Variants in COL4A4 observed in about 807,000 individuals in gnomAD.
The protein encoded by COL4A4 is collagen type IV alpha 4 chain.
In COL4A4, 105 loss-of-function variants were observed where a neutral mutation model predicts 192.9. The observed-to-expected ratio is 0.54, with a 90% CI of 0.46 to 0.64. The LOEUF is 0.64. COL4A4 is among the 30% of genes least tolerant of loss of function. COL4A4 has a pLI of 0.00. For synonymous variants in COL4A4, 762 were observed against 769.9 expected (o/e 0.99, Z 0.17); for missense variants, 1,967 against 2,169.3 (o/e 0.91, Z 1.85).
At chr2:226,968,149 G>A in the COL4A4 span, among the ~76,000 whole-genome samples, 1 of 152,162 alleles carries the variant, frequency 6.6e-6, no homozygotes, top group Non-Finnish European at 1.5e-5. Flanking sequence ...AGAAGTTACA[G>A]TACCACCAAT....
At chr2:227,051,894 T>C (rs1298624955) in intron 32 of COL4A4, among the ~76,000 whole-genome samples, 2 of 152,062 alleles carry the variant, frequency 1.3e-5, no homozygotes, top group South Asian at 4.2e-4. Flanking sequence ...TTTATTTATA[T>C]CTAAAAAAAA....
chr2:226,990,122 CAAAAAG>C, the COL4A4 span, among the ~76,000 whole-genome samples: 9 of 152,272 alleles, frequency 5.9e-5, no homozygotes, highest in South Asian at 1.7e-3. Context: ...ATTAGTGACT[CAAAAAG>C]TAAAGTGTGG....
chr2:227,126,287 G>T (rs983695120), intron 4 of COL4A4, among the ~76,000 whole-genome samples: 9 of 152,164 alleles, frequency 5.9e-5, no homozygotes, highest in African/African-American at 2.2e-4. Context: ...GAGGGGAACT[G>T]GAACCAATTC....
At chr2:227,120,009 G>C (rs866819503) in intron 5 of COL4A4, 70 bp from the exon 6 acceptor site, 139 of 1,212,744 alleles carry the variant, frequency 1.1e-4, no homozygotes, top group Middle Eastern at 1.1e-3. Flanking sequence ...CTTGAAAATA[G>C]TAACAATTAA....
chr2:227,063,817 A>T (rs1281398228), intron 25 of COL4A4, among the ~76,000 whole-genome samples: 1 of 151,872 alleles, frequency 6.6e-6, no homozygotes, highest in Non-Finnish European at 1.5e-5. Context: ...CTATACTTTG[A>T]GTATGTGTAT....
chr2:227,151,143 C>T (rs9636345), intron 1 of COL4A4, among the ~76,000 whole-genome samples: 1 of 151,870 alleles, frequency 6.6e-6, no homozygotes, highest in East Asian at 1.9e-4. Flanking sequence ...ATTCATATTT[C>T]CATTCCATTC....
chr2:227,042,256 C>G lies in COL4A4; in HGVS notation c.3398-1G>C. The G allele has an allele frequency of 6.3e-7, 1 of 1,599,314 alleles. No individual in the cohort carries two copies. The highest frequency in any genetic ancestry group is 8.6e-7 in the Non-Finnish European group (1 of 1,166,536). On this transcript the variant is annotated splice_acceptor_variant, in intron 36 of 47. Coordinates refer to ENST00000396625, the MANE Select transcript of COL4A4 (RefSeq NM_000092.5). LOFTEE classifies it high-confidence loss of function. ...CTCAGCCCAGGCATCCCGTGATCAC[C>G]TGAGGATGACAGGGAAGTTTTGCAG... is the stretch of plus-strand genomic sequence containing the variant.
chr2:227,027,579 C>T (rs1048035587), intron 42 of COL4A4, among the ~76,000 whole-genome samples: 1 of 150,944 alleles, frequency 6.6e-6, no homozygotes, highest in Non-Finnish European at 1.5e-5. Context: ...CACATGTATA[C>T]ATATGTAACA....
intron 45 of COL4A4, among the ~76,000 whole-genome samples, chr2:227,011,683 A>T (rs1963740069): frequency 2.0e-5 from 3 of 151,724 alleles, no homozygotes; most frequent in South Asian, 4.2e-4. Flanking sequence ...ACCACTTCCC[A>T]TTTTTTTTCT....
At chr2:227,129,623 G>T (rs1172223333) in intron 4 of COL4A4, among the ~76,000 whole-genome samples, 3 of 152,052 alleles carry the variant, frequency 2.0e-5, no homozygotes, top group African/African-American at 7.2e-5. Context: ...TGGCCAGGCT[G>T]GTCTCGAACT....
At chr2:227,044,640 A>G (rs1422908894) in intron 35 of COL4A4, among the ~76,000 whole-genome samples, 1 of 152,022 alleles carries the variant, frequency 6.6e-6, no homozygotes, top group Non-Finnish European at 1.5e-5. Flanking sequence ...TTGTCTCCTG[A>G]ATTTTGTGGG....
At chr2:227,041,846 A>AGAGAGAGAGAGAGAGAGAG (rs1971273307) in intron 37 of COL4A4, among the ~76,000 whole-genome samples, 2 of 39,322 alleles carry the variant, frequency 5.1e-5, no homozygotes, top group African/African-American at 1.4e-4. Context: ...GAAAGAAAGA[A>AGAGAGAGAGAGAGAGAGAG]AGAGAAAGAA....
At chr2:227,026,074 TC>T (rs1966848580) in intron 42 of COL4A4, among the ~76,000 whole-genome samples, 1 of 152,168 alleles carries the variant, frequency 6.6e-6, no homozygotes, top group Non-Finnish European at 1.5e-5. Flanking sequence ...AATATAAAAT[TC>T]TAGTTGATTT....
At chr2:227,062,257 C>G (rs1977292913) in intron 26 of COL4A4, among the ~76,000 whole-genome samples, 1 of 150,934 alleles carries the variant, frequency 6.6e-6, no homozygotes, top group South Asian at 2.1e-4. Flanking sequence ...AAAAAACTTT[C>G]AAGGGACAGA....
chr2:226,999,271 G>C (rs1464601027), downstream of COL4A4: 1 of 152,088 alleles, frequency 6.6e-6, no homozygotes, highest in Non-Finnish European at 1.5e-5. Context: ...GGTGCTTATT[G>C]ATATCATTGT....
In COL4A4 at chr2:227,087,095, G is replaced by A. The variant is rs556584243; in HGVS notation, c.1623+1558C>T. Among the ~76,000 whole-genome samples the A allele has an allele frequency of 2.3e-4, 35 of 152,312 alleles. No individual in the cohort carries two copies. In the East Asian group the frequency reaches 6.2e-3, roughly 27 times the overall value. ...GCCTTGTTAATAAGGAGGGGACAGAGGGCTCTCTCCAGTCTCCAGGGGAGT... is the reference window on the plus strand; with the variant it reads ...GCCTTGTTAATAAGGAGGGGACAGAAGGCTCTCTCCAGTCTCCAGGGGAGT... On this transcript the variant is annotated intron_variant, in intron 22 of 47. Transcript: ENST00000396625.
At chr2:226,988,369 G>A in the COL4A4 span, 4 of 1,550,282 alleles carry the variant, frequency 2.6e-6, no homozygotes, top group Non-Finnish European at 3.5e-6. Context: ...CAAGTCTCCT[G>A]GACCCCAAGA....
At chr2:227,007,952 G>T in intron 47 of COL4A4, 66 bp downstream of exon 47, 1 of 1,568,914 alleles carries the variant, frequency 6.4e-7, no homozygotes, top group South Asian at 1.1e-5. Flanking sequence ...AATCCAGAGA[G>T]AAATGGCGGG....
In COL4A4 at chr2:227,005,507, T is replaced by A. The variant is rs1051323883; in HGVS notation, c.*1818A>T. On this transcript the variant is annotated 3_prime_UTR_variant, in exon 48 of 48. Transcript: ENST00000396625. ...ATGCCAGAGCATGGTTTAAAAAATA[T>A]CAAATGGGTCAAATGAACTAGGAAA... 3 of 152,198 alleles carry A rather than the reference T, an allele frequency of 2.0e-5. No homozygotes were observed. The highest frequency in any genetic ancestry group is 4.8e-5 in the African/African-American group (2 of 41,452). The allele number at this position is 152,198 out of a possible 1,614,324, so 9.4% of individuals were successfully genotyped here. A position where few individuals can be genotyped will look rare whatever the true frequency, so the allele number is the denominator to read the frequency against.
Sources: allele counts gnomAD v4.1 joint callset (sites outside exome capture counted in the v4.1 genomes callset), GRCh38; gene constraint gnomAD v4.1.1; transcripts MANE v1.5; gene names NCBI Gene and HGNC (gene_info 2026-07-23, HGNC 2026-07-21).